The following CCSER1 variants were observed in gnomAD, a reference collection of about 807,000 sequenced individuals.
The protein encoded by CCSER1 is coiled-coil serine rich protein 1.
Under a neutral mutation model 82.0 loss-of-function variants are expected in CCSER1, and 41 were observed. The observed-to-expected ratio is 0.50, with a 90% CI of 0.39 to 0.65. The LOEUF (loss-of-function observed/expected upper bound fraction) is 0.65. Ranked by LOEUF, CCSER1 falls within the 30% of genes least tolerant of loss-of-function variation. The probability of loss-of-function intolerance (pLI) is 0.00; values close to 1 mark genes in which losing one functional copy is unlikely to be tolerated. For synonymous variants in CCSER1, 414 were observed against 383.9 expected (o/e 1.08, Z -0.92); for missense variants, 1,119 against 1,064.2 (o/e 1.05, Z -0.72).
At chr4:90,251,675 C>A (rs912205226) in intron 1 of CCSER1, among the ~76,000 whole-genome samples, 1 of 151,446 alleles carries the variant, frequency 6.6e-6, no homozygotes, top group African/African-American at 2.4e-5. Context: ...TTGTTCTTTT[C>A]TTTATTATAG....
chr4:91,021,658 T>C (rs574914348), intron 9 of CCSER1, among the ~76,000 whole-genome samples: 2 of 152,292 alleles, frequency 1.3e-5, no homozygotes, highest in Non-Finnish European at 2.9e-5. Flanking sequence ...TCAACACTTA[T>C]GTATTGACCA....
chr4:91,150,856 GC>G (rs1730108334), intron 10 of CCSER1, among the ~76,000 whole-genome samples: 1 of 152,092 alleles, frequency 6.6e-6, no homozygotes, highest in Non-Finnish European at 1.5e-5. Flanking sequence ...TTGATGTGCC[GC>G]TGGATTTGAT....
intron 10 of CCSER1, among the ~76,000 whole-genome samples, chr4:91,402,872 A>G (rs1375119247): frequency 6.6e-6 from 1 of 152,204 alleles, no homozygotes; most frequent in Non-Finnish European, 1.5e-5. Flanking sequence ...TGTCTTGGCA[A>G]TGAGTGCTCT....
chr4:91,305,879 T>TA (rs1693447790), intron 10 of CCSER1, among the ~76,000 whole-genome samples: 1 of 151,908 alleles, frequency 6.6e-6, no homozygotes, highest in African/African-American at 2.4e-5. Flanking sequence ...CTGCCATTTA[T>TA]AAAACCGTCA....
At chr4:91,241,327 ATT>A (rs755254962) in intron 10 of CCSER1, among the ~76,000 whole-genome samples, 9 of 116,216 alleles carry the variant, frequency 7.7e-5, no homozygotes, top group African/African-American at 3.6e-4. Context: ...CATAAAATAC[ATT>A]TTTTTTTTTT....
At chr4:91,024,923 C>A (rs1342493322) in intron 9 of CCSER1, among the ~76,000 whole-genome samples, 1 of 151,974 alleles carries the variant, frequency 6.6e-6, no homozygotes, top group Non-Finnish European at 1.5e-5. Flanking sequence ...ATTAGTAATT[C>A]TCTTTTATTT....
intron 5 of CCSER1, among the ~76,000 whole-genome samples, chr4:90,501,267 GGCT>G (rs1186284670): frequency 1.3e-5 from 2 of 152,062 alleles, no homozygotes; most frequent in Non-Finnish European, 2.9e-5. Context: ...ATAGAATGTT[GGCT>G]AAGTAGCTAA....
rs151324203 is a variant in CCSER1, at chr4:90,724,417, T to G, written c.2010+426T>G. On this transcript the variant is annotated intron_variant, in intron 7 of 10. Coordinates refer to ENST00000509176, the MANE Select transcript of CCSER1 (RefSeq NM_001145065.2). ...AATCCTTTTAAAATAAGAGTCAAAATCAAGAGTTGAAATATGGAATCATTC... is the reference window on the plus strand; with the variant it reads ...AATCCTTTTAAAATAAGAGTCAAAAGCAAGAGTTGAAATATGGAATCATTC... 4.0e-3 allele frequency among the ~76,000 whole-genome samples: 607 copies of G among 152,004 alleles called. 3 individuals are homozygous for G. Among genetic ancestry groups the G allele is most frequent in the African/African-American group, 0.014 (572 of 41,548 alleles).
At chr4:91,019,173 C>A (rs1014322360) in intron 9 of CCSER1, among the ~76,000 whole-genome samples, 2 of 151,242 alleles carry the variant, frequency 1.3e-5, no homozygotes, top group African/African-American at 4.9e-5. Context: ...AAGATACTTC[C>A]TTTTAATATT....
chr4:91,175,043 A>T (rs1030961614), intron 10 of CCSER1, among the ~76,000 whole-genome samples: 1 of 152,074 alleles, frequency 6.6e-6, no homozygotes, highest in East Asian at 1.9e-4. Flanking sequence ...TCATTGGTCA[A>T]TTCCCACCTA....
At chr4:91,167,486 G>C (rs975370899) in intron 10 of CCSER1, among the ~76,000 whole-genome samples, 22 of 152,096 alleles carry the variant, frequency 1.4e-4, no homozygotes, top group Middle Eastern at 3.2e-3. Context: ...ACCCGGCCAA[G>C]AATTGCAATA....
At chr4:90,304,805 A>C (rs894308916) in intron 1 of CCSER1, among the ~76,000 whole-genome samples, 1 of 152,156 alleles carries the variant, frequency 6.6e-6, no homozygotes, top group African/African-American at 2.4e-5. Context: ...TAATAATAAT[A>C]AAAAATAAAA....
chr4:91,077,476 AC>A (rs1722127202), intron 9 of CCSER1, among the ~76,000 whole-genome samples: 1 of 152,246 alleles, frequency 6.6e-6, no homozygotes, highest in African/African-American at 2.4e-5. Context: ...GTCAATAGAA[AC>A]AGACCTGGAA....
intron 6 of CCSER1, among the ~76,000 whole-genome samples, chr4:90,675,369 A>G (rs1425317131): frequency 6.6e-6 from 1 of 151,982 alleles, no homozygotes; most frequent in Admixed American, 6.6e-5. Context: ...GCAAGAAAAA[A>G]ATATTCTATA....
At chr4:91,556,625 TA>T (rs1762419789) in intron 10 of CCSER1, among the ~76,000 whole-genome samples, 1 of 151,030 alleles carries the variant, frequency 6.6e-6, no homozygotes, top group African/African-American at 2.4e-5. Flanking sequence ...CTGGATGAAA[TA>T]TGTTATATAA....
rs1743157407 is a variant in CCSER1, at chr4:90,723,894, C to A, written c.1933-20C>A. On this transcript the variant is annotated intron_variant, in intron 6 of 10. Transcript: ENST00000509176. ...ACTACAAAACAATCCTAATTAAATT[C>A]AATTTCACTGTCCTTGCAGAGTGCA... The A allele has an allele frequency of 5.1e-6, 7 of 1,361,208 alleles. No homozygotes were observed. The highest frequency in any genetic ancestry group is 1.9e-5 in the South Asian group (1 of 52,226). 84.3% of individuals were successfully genotyped at this position (1,361,208 alleles called of 1,614,324 possible). A position where few individuals can be genotyped will look rare whatever the true frequency, so the allele number is the denominator to read the frequency against.
intron 1 of CCSER1, among the ~76,000 whole-genome samples, chr4:90,216,199 G>A (rs35927574): frequency 0.57 from 85,988 of 151,980 alleles, 24,981 homozygotes; most frequent in African/African-American, 0.7. Context: ...GCTTAATCCC[G>A]GACCTACTGA....
At chr4:90,253,918 T>G (rs1452077218) in intron 1 of CCSER1, among the ~76,000 whole-genome samples, 1 of 152,194 alleles carries the variant, frequency 6.6e-6, no homozygotes, top group Non-Finnish European at 1.5e-5. Context: ...AGCTGATTGC[T>G]CCATTGTTTT....
intron 10 of CCSER1, among the ~76,000 whole-genome samples, chr4:91,321,832 C>A (rs1353112021): frequency 6.6e-6 from 1 of 151,962 alleles, no homozygotes; most frequent in African/African-American, 2.4e-5. Context: ...TCCCTTCGAT[C>A]ATTTAAATTT....
Sources: allele counts gnomAD v4.1 joint callset (sites outside exome capture counted in the v4.1 genomes callset), GRCh38; gene constraint gnomAD v4.1.1; transcripts MANE v1.5; gene names NCBI Gene and HGNC (gene_info 2026-07-23, HGNC 2026-07-21).